Variants in CD247 observed in about 807,000 individuals in gnomAD.
The protein encoded by CD247 is CD247 molecule.
A neutral mutation model predicts 30.0 loss-of-function variants in CD247; 13 were observed. The ratio of observed to expected loss-of-function variants is 0.43; its 90% CI spans 0.28 to 0.69. The LOEUF is 0.69. Among genes scored for constraint, CD247 ranks in the 30% least tolerant of loss-of-function variants. CD247 has a pLI of 0.16. For synonymous variants in CD247, 72 were observed against 80.0 expected (o/e 0.90, Z 0.53); for missense variants, 193 against 212.6 (o/e 0.91, Z 0.57).
intron 1 of CD247, among the ~76,000 whole-genome samples, chr1:167,483,463 T>G (rs1654061480): frequency 6.6e-6 from 1 of 152,176 alleles, no homozygotes; most frequent in Non-Finnish European, 1.5e-5. Context: ...TTCTGATATT[T>G]TGTTAAAAAT....
intron 1 of CD247, among the ~76,000 whole-genome samples, chr1:167,476,667 T>A (rs984366890): frequency 6.6e-6 from 1 of 151,872 alleles, no homozygotes; most frequent in African/African-American, 2.4e-5. Context: ...TACAAAAAAA[T>A]AGAAAAATTA....
chr1:167,473,292 C>T (rs1653609668), intron 1 of CD247, among the ~76,000 whole-genome samples: 1 of 152,198 alleles, frequency 6.6e-6, no homozygotes. Context: ...GTTTCTCCTG[C>T]TCCCTGCTTG....
intron 1 of CD247, among the ~76,000 whole-genome samples, chr1:167,451,579 G>C (rs1571529447): frequency 6.6e-6 from 1 of 151,976 alleles, no homozygotes; most frequent in East Asian, 1.9e-4. Context: ...GTCCTGAAAG[G>C]GTGAAACCCA....
At chr1:167,465,957 C>G (rs1425131695) in intron 1 of CD247, among the ~76,000 whole-genome samples, 1 of 152,214 alleles carries the variant, frequency 6.6e-6, no homozygotes, top group Non-Finnish European at 1.5e-5. Context: ...TGCACACACT[C>G]CTGACAGCAA....
intron 2 of CD247, 145 bp from the exon 3 acceptor site, chr1:167,439,545 C>T (rs1651720691): frequency 1.4e-6 from 1 of 712,036 alleles, no homozygotes; most frequent in African/African-American, 1.8e-5. Context: ...GGGCTGAGCC[C>T]TTGCAGGGGC....
chr1:167,450,989 G>A (rs1448283349), intron 1 of CD247, among the ~76,000 whole-genome samples: 1 of 151,930 alleles, frequency 6.6e-6, no homozygotes, highest in Admixed American at 6.6e-5. Flanking sequence ...AAGTGACAAA[G>A]AGATGTCTCC....
intron 1 of CD247, among the ~76,000 whole-genome samples, chr1:167,517,796 G>A (rs773730976): frequency 6.6e-6 from 1 of 152,164 alleles, no homozygotes; most frequent in Non-Finnish European, 1.5e-5. Flanking sequence ...GCCTAGACAC[G>A]GACGCTTGGC....
intron 1 of CD247, among the ~76,000 whole-genome samples, chr1:167,449,882 C>T (rs1652274328): frequency 6.6e-6 from 1 of 151,440 alleles, no homozygotes; most frequent in Admixed American, 6.6e-5. Flanking sequence ...AAGATTGCGT[C>T]ATTGCATGTC....
At chr1:167,455,371 A>G (rs1652593438) in intron 1 of CD247, among the ~76,000 whole-genome samples, 1 of 152,156 alleles carries the variant, frequency 6.6e-6, no homozygotes, top group South Asian at 2.1e-4. Flanking sequence ...CCCAAAGCCC[A>G]GGCGGCCGGG....
intron 1 of CD247, among the ~76,000 whole-genome samples, chr1:167,501,879 G>A (rs956624515): frequency 6.6e-6 from 1 of 152,242 alleles, no homozygotes; most frequent in Non-Finnish European, 1.5e-5. Context: ...AGAGGAGCAC[G>A]CAGGTAGAAC....
chr1:167,510,756 G>T (rs139816796), intron 1 of CD247, among the ~76,000 whole-genome samples: 2 of 152,132 alleles, frequency 1.3e-5, no homozygotes, highest in East Asian at 1.9e-4. Context: ...AGCAAAAGAG[G>T]GGGGTAGGGG....
At chr1:167,508,340 T>C (rs1655237932) in intron 1 of CD247, among the ~76,000 whole-genome samples, 1 of 151,670 alleles carries the variant, frequency 6.6e-6, no homozygotes, top group South Asian at 2.1e-4. Flanking sequence ...CAATACAGCA[T>C]TTGCAATGGG....
At chr1:167,452,107 C>T (rs1652374901) in intron 1 of CD247, among the ~76,000 whole-genome samples, 1 of 152,200 alleles carries the variant, frequency 6.6e-6, no homozygotes, top group South Asian at 2.1e-4. Context: ...CACTTGTAAA[C>T]CCAGCTACTC....
intron 5 of CD247, chr1:167,434,349 G>A: frequency 3.8e-6 from 2 of 528,182 alleles, no homozygotes; most frequent in Non-Finnish European, 3.4e-6. Context: ...AAAAAGATAG[G>A]AGGTGGAGTT....
At chr1:167,470,528 GAAAC>G (rs1653469580) in intron 1 of CD247, among the ~76,000 whole-genome samples, 3 of 107,030 alleles carry the variant, frequency 2.8e-5, no homozygotes, top group African/African-American at 1.1e-4. Flanking sequence ...AAAAAAAAAA[GAAAC>G]AAGGAAAATA....
At chr1:167,477,886 A>G (rs1421718241) in intron 1 of CD247, among the ~76,000 whole-genome samples, 1 of 152,166 alleles carries the variant, frequency 6.6e-6, no homozygotes, top group African/African-American at 2.4e-5. Context: ...TGGAAGCCAT[A>G]TGGAGAAATG....
At chr1:167,442,067 C>T (rs777891671) in intron 1 of CD247, among the ~76,000 whole-genome samples, 1 of 152,152 alleles carries the variant, frequency 6.6e-6, no homozygotes, top group Non-Finnish European at 1.5e-5. Flanking sequence ...GCCGAGATCA[C>T]GCCACTGCAC....
intron 1 of CD247, among the ~76,000 whole-genome samples, chr1:167,465,007 A>G (rs1433029948): frequency 1.3e-5 from 2 of 151,474 alleles, no homozygotes; most frequent in African/African-American, 4.8e-5. Flanking sequence ...CTCTGTCTCC[A>G]TTTTACGTTT....
At chr1:167,511,191 G>A (rs1655372283) in intron 1 of CD247, among the ~76,000 whole-genome samples, 1 of 152,190 alleles carries the variant, frequency 6.6e-6, no homozygotes, top group Admixed American at 6.5e-5. Context: ...TTCAGAGTCT[G>A]TGCGTGACGG....
Sources: gnomAD v4.1 joint callset for allele counts (sites outside exome capture counted in the v4.1 genomes callset) on GRCh38, gnomAD v4.1.1 for gene constraint, MANE v1.5 for transcripts, NCBI Gene and HGNC (gene_info 2026-07-23, HGNC 2026-07-21) for gene names.